RBFOX1: variants seen among roughly 807,000 people sequenced by gnomAD.
The protein encoded by RBFOX1 is RNA binding fox-1 homolog 1.
RBFOX1 carries 8 observed loss-of-function variants against 57.7 expected under a neutral mutation model. That is an observed-to-expected ratio of 0.14 (90% CI 0.08 to 0.25). The LOEUF (loss-of-function observed/expected upper bound fraction) is 0.25, where lower values mean the gene tolerates loss of function less well. Ranked by LOEUF, RBFOX1 falls within the 10% of genes least tolerant of loss-of-function variation. The pLI, the probability that RBFOX1 is intolerant of heterozygous loss-of-function variation, is 1.00. For missense variants in RBFOX1, 611 were observed against 548.5 expected, an observed-to-expected ratio of 1.11 and a Z score of -1.14; for synonymous variants, 326 against 222.4, an observed-to-expected ratio of 1.47 and a Z score of -4.15.
In RBFOX1 at chr16:6,822,487, G is replaced by A. The variant is rs116139719; in HGVS notation, c.-16+167837G>A. ...AGAAAGGGTTATAAATAAAACACAT[G>A]CATCAATCTGAGTTTCACAACAGGA... On this transcript the variant is annotated intron_variant, in intron 3 of 15. Coordinates refer to ENST00000550418, the MANE Select transcript of RBFOX1 (RefSeq NM_018723.4). 4.5e-3 allele frequency among the ~76,000 whole-genome samples: 691 copies of A among 152,276 alleles called. 4 individuals carry two copies. The highest frequency in any genetic ancestry group is 0.015 in the African/African-American group (642 of 41,548).
At position 7,000,315 on chromosome 16, in the gene RBFOX1, G is replaced by T. The variant is rs528252878; in HGVS notation, c.-15-51742G>T. Among the ~76,000 whole-genome samples the T allele has an allele frequency of 7.2e-5, 11 of 152,018 alleles. No individual in the cohort carries two copies. In the East Asian group the frequency reaches 2.1e-3, roughly 30 times the overall value. On this transcript the variant is annotated intron_variant, in intron 3 of 15. Transcript: ENST00000550418. ...TATTATCAGAAATTTAAACATGATC[G>T]ATATGTCTCAAATTAAAATTAGTCG...
At chr16:5,625,719 A>C (rs537125625) in intron 3 of RBFOX1, among the ~76,000 whole-genome samples, 24 of 150,790 alleles carry the variant, frequency 1.6e-4, no homozygotes, top group African/African-American at 5.9e-4. Context: ...CACCATGCTC[A>C]GCAAATTTTT....
intron 1 of RBFOX1, among the ~76,000 whole-genome samples, chr16:6,241,125 C>G (rs1032917243): frequency 1.3e-5 from 2 of 152,168 alleles, no homozygotes; most frequent in African/African-American, 4.8e-5. Flanking sequence ...CTTTGGATAT[C>G]AATAATTAAT....
At chr16:6,054,805 C>G (rs771528017) in intron 1 of RBFOX1, among the ~76,000 whole-genome samples, 1 of 151,998 alleles carries the variant, frequency 6.6e-6, no homozygotes, top group Non-Finnish European at 1.5e-5. Flanking sequence ...ATTTTTGAGA[C>G]AGAGTCTCAC....
At chr16:7,003,846 C>G (rs1319467156) in intron 3 of RBFOX1, among the ~76,000 whole-genome samples, 2 of 152,144 alleles carry the variant, frequency 1.3e-5, no homozygotes, top group Non-Finnish European at 1.5e-5. Flanking sequence ...ATTGCAAAGA[C>G]TCACTAATGG....
intron 4 of RBFOX1, among the ~76,000 whole-genome samples, chr16:7,473,841 C>T (rs1467388192): frequency 6.6e-6 from 1 of 152,174 alleles, no homozygotes; most frequent in African/African-American, 2.4e-5. Context: ...CTAGTGATTA[C>T]AGGGACATTG....
intron 4 of RBFOX1, chr16:7,332,755 C>G: frequency 7.3e-7 from 1 of 1,373,206 alleles, no homozygotes; most frequent in Non-Finnish European, 9.4e-7. Context: ...ATAGCACCTT[C>G]CATTTTGGTA....
chr16:7,092,226 T>C (rs2060981015), intron 4 of RBFOX1, among the ~76,000 whole-genome samples: 1 of 152,208 alleles, frequency 6.6e-6, no homozygotes, highest in South Asian at 2.1e-4. Flanking sequence ...TTTGTTGTTG[T>C]TTGTTTCTCT....
chr16:6,825,172 G>C (rs143157655), intron 3 of RBFOX1, among the ~76,000 whole-genome samples: 1 of 150,326 alleles, frequency 6.7e-6, no homozygotes, highest in African/African-American at 2.4e-5. Flanking sequence ...TTGCTGGTCA[G>C]ATGATCCTTT....
intron 1 of RBFOX1, among the ~76,000 whole-genome samples, chr16:5,425,819 G>A (rs1331868310): frequency 3.9e-5 from 6 of 152,140 alleles, no homozygotes; most frequent in Admixed American, 2.6e-4. Flanking sequence ...TGGGCTTGGC[G>A]AGAGTTGGGC....
chr16:6,905,385 T>A (rs1257576475), intron 3 of RBFOX1, among the ~76,000 whole-genome samples: 2 of 151,974 alleles, frequency 1.3e-5, no homozygotes, highest in Non-Finnish European at 2.9e-5. Context: ...AAACCCCACC[T>A]CTACTAAAAA....
intron 3 of RBFOX1, among the ~76,000 whole-genome samples, chr16:6,672,177 T>C (rs1296598554): frequency 6.6e-6 from 1 of 152,246 alleles, no homozygotes; most frequent in Non-Finnish European, 1.5e-5. Context: ...TTTTATTTAG[T>C]TTCTATTTAT....
chr16:5,468,096 T>A (rs2069010030), intron 2 of RBFOX1, among the ~76,000 whole-genome samples: 2 of 152,128 alleles, frequency 1.3e-5, no homozygotes, highest in Non-Finnish European at 2.9e-5. Flanking sequence ...CTCCCACCCC[T>A]CTTACTGTCC....
At chr16:6,709,554 G>C (rs77291337) in intron 3 of RBFOX1, among the ~76,000 whole-genome samples, 1 of 152,036 alleles carries the variant, frequency 6.6e-6, no homozygotes, top group Non-Finnish European at 1.5e-5. Context: ...ATTTGTGAAG[G>C]GTATTAATCT....
rs1603536592 is a variant in RBFOX1 at position 7,293,818 on chromosome 16, A to G, written c.28-224329A>G. ...CGTTCCTAGCTCACCTCCAACAATC[A>G]TCAGACTTTGAAGGTATGCAATGAT... is the stretch of plus-strand genomic sequence containing the variant. On this transcript the variant is annotated intron_variant, in intron 4 of 15. Transcript: ENST00000550418. Among the ~76,000 whole-genome samples the G allele has an allele frequency of 1.3e-5, 2 of 152,300 alleles. 1 individual carries two copies. Among genetic ancestry groups the G allele is most frequent in the Middle Eastern group, 6.8e-3 (2 of 294 alleles).
chr16:5,273,433 C>T (rs1009896908), intron 1 of RBFOX1, among the ~76,000 whole-genome samples: 1 of 152,158 alleles, frequency 6.6e-6, no homozygotes, highest in East Asian at 1.9e-4. Flanking sequence ...AGTTCCCACT[C>T]TCAGCCCACC....
chr16:5,592,855 A>G (rs1247075324), intron 2 of RBFOX1, among the ~76,000 whole-genome samples: 1 of 152,116 alleles, frequency 6.6e-6, no homozygotes, highest in Non-Finnish European at 1.5e-5. Flanking sequence ...GGGTCAGAAC[A>G]CTTTAGGGTT....
At chr16:7,381,516 T>A (rs1194118040) in intron 4 of RBFOX1, among the ~76,000 whole-genome samples, 5 of 147,450 alleles carry the variant, frequency 3.4e-5, no homozygotes, top group East Asian at 1.9e-4. Flanking sequence ...CTTTTTTTTT[T>A]ATTTTATTAA....
At chr16:5,535,450 A>C (rs919339831) in intron 2 of RBFOX1, among the ~76,000 whole-genome samples, 1 of 152,206 alleles carries the variant, frequency 6.6e-6, no homozygotes, top group Non-Finnish European at 1.5e-5. Context: ...AGGCATTCTG[A>C]TTCCAAACCC....
Sources: allele counts gnomAD v4.1 joint callset (sites outside exome capture counted in the v4.1 genomes callset), GRCh38; gene constraint gnomAD v4.1.1; transcripts MANE v1.5; gene names NCBI Gene and HGNC (gene_info 2026-07-23, HGNC 2026-07-21).